The following FER variants were observed in gnomAD, a reference collection of about 807,000 sequenced individuals.
FER encodes tyrosine-protein kinase Fer.
In FER, 63 loss-of-function variants were observed where a neutral mutation model predicts 111.0. The observed-to-expected ratio is 0.57, with a 90% confidence interval of 0.46 to 0.70. The LOEUF is 0.70. Among genes scored for constraint, FER ranks in the 30% least tolerant of loss-of-function variants. FER has a pLI of 0.00. For synonymous variants in FER, 327 were observed against 313.9 expected (o/e 1.04, Z -0.44); for missense variants, 914 against 954.0 (o/e 0.96, Z 0.55).
At chr5:109,011,038 C>T (rs1229894295) in intron 13 of FER, among the ~76,000 whole-genome samples, 1 of 152,096 alleles carries the variant, frequency 6.6e-6, no homozygotes, top group Non-Finnish European at 1.5e-5. Flanking sequence ...TTTCTGTGTA[C>T]ATTCTTTTAG....
chr5:109,155,100 A>T (rs1228502864), intron 17 of FER, among the ~76,000 whole-genome samples: 1 of 151,920 alleles, frequency 6.6e-6, no homozygotes, highest in African/African-American at 2.4e-5. Flanking sequence ...TTCAAAAGTA[A>T]CATGTCACAC....
chr5:108,827,126 C>T (rs1229138084), intron 3 of FER, among the ~76,000 whole-genome samples: 1 of 152,108 alleles, frequency 6.6e-6, no homozygotes, highest in Non-Finnish European at 1.5e-5. Context: ...CTTTGAATTT[C>T]GTACTTGTAA....
At chr5:109,025,336 G>T (rs1170155214) in intron 13 of FER, among the ~76,000 whole-genome samples, 6 of 152,028 alleles carry the variant, frequency 3.9e-5, no homozygotes, top group Admixed American at 6.6e-5. Flanking sequence ...GGTCCATCAC[G>T]TCCCTTGTAA....
intron 8 of FER, among the ~76,000 whole-genome samples, chr5:108,879,725 T>TATATATA (rs1298716348): frequency 6.4e-5 from 9 of 141,464 alleles, no homozygotes; most frequent in African/African-American, 1.1e-4. Flanking sequence ...TATATATATA[T>TATATATA]TTGAGGCAAA....
Position 108,832,774 on chromosome 5 carries a change from G to C in FER, c.212G>C (p.Trp71Ser). 1 of 1,440,974 alleles carries C rather than the reference G, an allele frequency of 6.9e-7. No individual in the cohort carries two copies. 89.3% of individuals were successfully genotyped at this position (1,440,974 alleles called of 1,614,324 possible). ...MNYVSNVSKS[W>S]LLMIQQTEQL... is the part of the protein sequence containing the mutation. ...TCTTTTTTTTTTTTTTTTAAGTCTT[G>C]GCTACTTATGATTCAGCAGACAGAA... is the stretch of plus-strand genomic sequence containing the variant. The change falls in exon 4 of 20, where the codon TGG (tryptophan) becomes TCG (serine). Residue 71 changes from tryptophan to serine, a missense_variant. Trp to Ser is a radical substitution (Grantham distance 177, BLOSUM62 -3). Coordinates refer to ENST00000281092, the MANE Select transcript of FER (RefSeq NM_005246.4).
intron 11 of FER, among the ~76,000 whole-genome samples, chr5:108,948,936 A>C (rs1757364995): frequency 6.6e-6 from 1 of 152,124 alleles, no homozygotes; most frequent in Non-Finnish European, 1.5e-5. Flanking sequence ...GAATTATTAA[A>C]TTATTCAACA....
intron 16 of FER, among the ~76,000 whole-genome samples, chr5:109,080,713 G>A (rs756648822): frequency 1.3e-5 from 2 of 152,002 alleles, no homozygotes; most frequent in Non-Finnish European, 2.9e-5. Flanking sequence ...ATAGGAGCAA[G>A]GAAAAAGATT....
At chr5:109,045,051 T>C (rs115221196) in intron 15 of FER, among the ~76,000 whole-genome samples, 1,620 of 152,044 alleles carry the variant, frequency 0.011, 35 homozygotes, top group African/African-American at 0.037. Context: ...CACATACATA[T>C]ACATATATGT....
chr5:108,793,905 A>C (rs1481884780), intron 2 of FER, among the ~76,000 whole-genome samples: 1 of 152,152 alleles, frequency 6.6e-6, no homozygotes, highest in Non-Finnish European at 1.5e-5. Context: ...CAAAAAGAAA[A>C]CTAATGAAAA....
At chr5:109,060,823 A>C (rs1215061199) in intron 16 of FER, among the ~76,000 whole-genome samples, 1 of 148,820 alleles carries the variant, frequency 6.7e-6, no homozygotes, top group East Asian at 1.9e-4. Context: ...ATCTACATAA[A>C]TATCTTAGAG....
chr5:109,157,334 A>G (rs1243683341), intron 17 of FER, among the ~76,000 whole-genome samples: 19 of 151,998 alleles, frequency 1.3e-4, no homozygotes, highest in Non-Finnish European at 2.5e-4. Flanking sequence ...TTAAAATGCA[A>G]TTTACTGCTG....
intron 17 of FER, among the ~76,000 whole-genome samples, chr5:109,148,370 G>T (rs948407981): frequency 2.0e-5 from 3 of 152,082 alleles, no homozygotes; most frequent in Admixed American, 6.6e-5. Context: ...TTAGAAAAAG[G>T]CTGTCAGGGA....
At chr5:108,906,693 G>A (rs1664862069) in intron 10 of FER, among the ~76,000 whole-genome samples, 1 of 151,344 alleles carries the variant, frequency 6.6e-6, no homozygotes, top group Non-Finnish European at 1.5e-5. Flanking sequence ...TACTTTTATA[G>A]TTTAATTTGA....
chr5:108,775,106 A>C, intron 2 of FER, among the ~76,000 whole-genome samples: 1 of 152,162 alleles, frequency 6.6e-6, no homozygotes, highest in African/African-American at 2.4e-5. Flanking sequence ...AGTTTTCTGC[A>C]TATGGCTAGC....
At chr5:108,881,547 C>T (rs1765676485) in intron 8 of FER, among the ~76,000 whole-genome samples, 1 of 152,142 alleles carries the variant, frequency 6.6e-6, no homozygotes, top group Non-Finnish European at 1.5e-5. Context: ...CCATATCAGA[C>T]TGTCATACAA....
intron 3 of FER, among the ~76,000 whole-genome samples, chr5:108,815,224 G>C (rs1007383683): frequency 6.6e-6 from 1 of 152,056 alleles, no homozygotes; most frequent in African/African-American, 2.4e-5. Flanking sequence ...TCTTCACGCT[G>C]AATTTTTGGA....
At chr5:108,902,169 C>T (rs1750125099) in intron 10 of FER, among the ~76,000 whole-genome samples, 1 of 152,010 alleles carries the variant, frequency 6.6e-6, no homozygotes, top group Non-Finnish European at 1.5e-5. Flanking sequence ...TTTGGCAGTA[C>T]TCTATTAAAG....
intron 9 of FER, among the ~76,000 whole-genome samples, chr5:108,886,699 G>T (rs116744724): frequency 8.9e-4 from 135 of 151,638 alleles, no homozygotes; most frequent in African/African-American, 3.2e-3. Flanking sequence ...AAGTTAGCAG[G>T]GGTAAGTATG....
chr5:108,892,054 C>T (rs1335370064), intron 9 of FER, among the ~76,000 whole-genome samples: 1 of 152,084 alleles, frequency 6.6e-6, no homozygotes, highest in African/African-American at 2.4e-5. Flanking sequence ...TTTTCTTAAT[C>T]CAGTCTATCA....
Sources: gnomAD v4.1 joint callset for allele counts (sites outside exome capture counted in the v4.1 genomes callset) on GRCh38, gnomAD v4.1.1 for gene constraint, MANE v1.5 for transcripts, NCBI Gene and HGNC (gene_info 2026-07-23, HGNC 2026-07-21) for gene names.